The following CTNND2 variants were observed in gnomAD, a reference collection of about 807,000 sequenced individuals.
CTNND2 encodes catenin delta 2, also known as catenin delta-2.
CTNND2 carries 22 observed loss-of-function variants against 144.4 expected under a neutral mutation model. The observed-to-expected ratio is 0.15, with a 90% CI of 0.11 to 0.22. CTNND2 has a LOEUF of 0.22. Ranked by LOEUF, CTNND2 falls within the 10% of genes least tolerant of loss-of-function variation. The probability of loss-of-function intolerance (pLI) is 1.00; values close to 1 mark genes in which losing one functional copy is unlikely to be tolerated. For synonymous variants in CTNND2, 751 were observed against 695.6 expected, an observed-to-expected ratio of 1.08 and a Z score of -1.25; for missense variants, 1,353 against 1,618.8, an observed-to-expected ratio of 0.84 and a Z score of 2.82.
At chr5:10,995,125 G>A (rs914086809) in intron 18 of CTNND2, among the ~76,000 whole-genome samples, 2 of 152,138 alleles carry the variant, frequency 1.3e-5, no homozygotes, top group Admixed American at 6.5e-5. Flanking sequence ...AGGGCTGGAG[G>A]CAGAATTTTG....
At chr5:11,317,387 A>G (rs1751621264) in intron 9 of CTNND2, among the ~76,000 whole-genome samples, 1 of 152,322 alleles carries the variant, frequency 6.6e-6, no homozygotes, top group South Asian at 2.1e-4. Flanking sequence ...TAATACTTTA[A>G]TGCCCAGAAA....
intron 3 of CTNND2, among the ~76,000 whole-genome samples, chr5:11,479,548 A>G (rs1449138432): frequency 6.6e-6 from 1 of 152,134 alleles, no homozygotes; most frequent in Non-Finnish European, 1.5e-5. Context: ...TGGTAGTTCT[A>G]TTTTTAGCTC....
At chr5:11,818,307 T>C (rs1793125192) in intron 1 of CTNND2, among the ~76,000 whole-genome samples, 1 of 152,088 alleles carries the variant, frequency 6.6e-6, no homozygotes, top group Non-Finnish European at 1.5e-5. Flanking sequence ...TTGCAGCGTT[T>C]ACATCACACG....
chr5:11,858,923 C>T (rs552315466), intron 1 of CTNND2, among the ~76,000 whole-genome samples: 3 of 152,192 alleles, frequency 2.0e-5, no homozygotes, highest in Non-Finnish European at 2.9e-5. Context: ...AGTGAGACTA[C>T]GTCTCAAAAA....
chr5:11,653,093 G>C (rs1033545628), intron 2 of CTNND2, among the ~76,000 whole-genome samples: 2 of 151,382 alleles, frequency 1.3e-5, no homozygotes, highest in African/African-American at 4.9e-5. Flanking sequence ...GTGTGTGTGT[G>C]TGTGTGTGTG....
chr5:10,985,449 G>A (rs968217972), intron 20 of CTNND2, among the ~76,000 whole-genome samples: 2 of 152,172 alleles, frequency 1.3e-5, no homozygotes, highest in South Asian at 2.1e-4. Context: ...AAAGGAGGGT[G>A]GGGGAAGCCT....
chr5:11,427,314 G>A (rs1200797952), intron 3 of CTNND2, among the ~76,000 whole-genome samples: 2 of 113,604 alleles, frequency 1.8e-5, no homozygotes, highest in Non-Finnish European at 3.4e-5. Context: ...GTCTCACTCT[G>A]TCACCCACGC....
In CTNND2 at chr5:10,971,977, T is replaced by C. The variant is rs1022139674; in HGVS notation, c.*1476A>G. On this transcript the variant is annotated 3_prime_UTR_variant, in exon 22 of 22. Transcript: ENST00000304623. ...TCTTTTCGATGGTTAGCCTTATTTC[T>C]TAGCTCTGTTAACCACTATTCTAAC... 6.5e-6 allele frequency: 1 copy of C among 152,678 alleles called. No individual in the cohort carries two copies. Among genetic ancestry groups the C allele is most frequent in the African/African-American group, 2.4e-5 (1 of 41,472 alleles). The allele number at this position is 152,678 out of a possible 1,614,324, so 9.5% of individuals were successfully genotyped here.
intron 2 of CTNND2, among the ~76,000 whole-genome samples, chr5:11,650,541 C>G (rs1165974831): frequency 1.3e-5 from 2 of 152,082 alleles, no homozygotes; most frequent in Non-Finnish European, 2.9e-5. Flanking sequence ...CAGAAGGAGA[C>G]AGGAAGATGT....
intron 3 of CTNND2, among the ~76,000 whole-genome samples, chr5:11,552,644 G>A (rs1008309281): frequency 2.6e-5 from 4 of 152,084 alleles, no homozygotes; most frequent in Admixed American, 1.3e-4. Flanking sequence ...TAAATGTGTC[G>A]CTGCCAAGAC....
intron 15 of CTNND2, among the ~76,000 whole-genome samples, chr5:11,086,269 C>T (rs368268032): frequency 4.6e-5 from 7 of 151,962 alleles, no homozygotes; most frequent in South Asian, 2.1e-4. Context: ...GACCCTGGAC[C>T]GGAGATGGTC....
chr5:11,764,894 T>TA (rs1386395921), intron 1 of CTNND2, among the ~76,000 whole-genome samples: 2 of 151,954 alleles, frequency 1.3e-5, no homozygotes, highest in Non-Finnish European at 2.9e-5. Context: ...AAGTCAAACT[T>TA]ACATGTATGA....
intron 6 of CTNND2, among the ~76,000 whole-genome samples, chr5:11,394,003 T>G (rs901627750): frequency 6.6e-6 from 1 of 152,120 alleles, no homozygotes; most frequent in Non-Finnish European, 1.5e-5. Context: ...CATGCCAGGC[T>G]GCCCCATCCA....
chr5:11,259,009 C>G (rs26447), intron 9 of CTNND2, among the ~76,000 whole-genome samples: 26,188 of 152,162 alleles, frequency 0.17, 2,623 homozygotes, highest in African/African-American at 0.27. Flanking sequence ...GTGATTTAAT[C>G]AAACACAAAT....
rs57912844 is a variant in CTNND2, at chr5:11,498,264, C to T, written c.287+66680G>A. Among the ~76,000 whole-genome samples, 476 of 152,162 alleles carry T rather than the reference C, an allele frequency of 3.1e-3. 4 individuals carry two copies. The highest frequency in any genetic ancestry group is 0.011 in the African/African-American group (462 of 41,514). ...CCCCTCAAACACACATACACATATGCATTTGCAAACAAGCACACACACATA... is the reference window on the plus strand; with the variant it reads ...CCCCTCAAACACACATACACATATGTATTTGCAAACAAGCACACACACATA... On this transcript the variant is annotated intron_variant, in intron 3 of 21. Transcript: ENST00000304623.
intron 3 of CTNND2, among the ~76,000 whole-genome samples, chr5:11,451,455 T>C (rs1301986630): frequency 6.6e-6 from 1 of 152,152 alleles, no homozygotes; most frequent in East Asian, 1.9e-4. Context: ...AGATCAAGCA[T>C]CCTCATCCAA....
chr5:11,372,235 T>C (rs1366634063), intron 7 of CTNND2, among the ~76,000 whole-genome samples: 1 of 152,214 alleles, frequency 6.6e-6, no homozygotes, highest in Non-Finnish European at 1.5e-5. Context: ...CAGGACATCA[T>C]GGTAAGTGTG....
chr5:11,143,514 G>C (rs1756946087), intron 12 of CTNND2, among the ~76,000 whole-genome samples: 1 of 152,206 alleles, frequency 6.6e-6, no homozygotes, highest in South Asian at 2.1e-4. Flanking sequence ...TCTTCACGTG[G>C]ATGTTCTCCC....
chr5:11,515,693 ATCAC>A (rs1772103351), intron 3 of CTNND2, among the ~76,000 whole-genome samples: 1 of 152,226 alleles, frequency 6.6e-6, no homozygotes, highest in Admixed American at 6.5e-5. Flanking sequence ...GCTTTAAAAT[ATCAC>A]TCAAATTTGA....
Sources: gnomAD v4.1 joint callset for allele counts (sites outside exome capture counted in the v4.1 genomes callset) on GRCh38, gnomAD v4.1.1 for gene constraint, MANE v1.5 for transcripts, NCBI Gene and HGNC (gene_info 2026-07-23, HGNC 2026-07-21) for gene names.